C9orf78: variants seen among roughly 807,000 people sequenced by gnomAD.
The protein encoded by C9orf78 is chromosome 9 open reading frame 78, also known as splicing factor C9orf78.
In C9orf78, 19 loss-of-function variants were observed where a neutral mutation model predicts 37.4. That is an observed-to-expected ratio of 0.51 (90% confidence interval 0.35 to 0.74). The LOEUF (loss-of-function observed/expected upper bound fraction) is 0.74, where lower values mean the gene tolerates loss of function less well. Ranked by LOEUF, C9orf78 falls within the 30% of genes least tolerant of loss-of-function variation. C9orf78 has a pLI of 0.01. For missense variants in C9orf78, 291 were observed against 370.8 expected, an observed-to-expected ratio of 0.78 and a Z score of 1.77; for synonymous variants, 130 against 128.0, an observed-to-expected ratio of 1.02 and a Z score of -0.10.
chr9:129,833,792 C>CTAAGA, intron 2 of C9orf78, 83 bp from the exon 3 acceptor site: 1 of 857,208 alleles, frequency 1.2e-6, no homozygotes, highest in Non-Finnish European at 1.9e-6. Flanking sequence ...CTCAGGTATG[C>CTAAGA]GGATTGCAAC....
At chr9:129,829,171 C>T (rs1350327688) in intron 8 of C9orf78, 34 bp downstream of exon 8, 2 of 1,495,010 alleles carry the variant, frequency 1.3e-6, no homozygotes, top group Non-Finnish European at 1.9e-6. Flanking sequence ...TTGCTGAGCA[C>T]TCCAGGCAGC....
chr9:129,829,396 G>A lies in C9orf78; in HGVS notation c.679+9C>T. Reference sequence around the variant, plus strand: ...GAATGGGGGCAAGACTGCTCTCCGAGGGGCTTACATCTGTTGTGCTGCACA... The same window carrying A: ...GAATGGGGGCAAGACTGCTCTCCGAAGGGCTTACATCTGTTGTGCTGCACA... On this transcript the variant is annotated intron_variant, in intron 7 of 8. Coordinates refer to ENST00000372447, the MANE Select transcript of C9orf78 (RefSeq NM_016520.3). The A allele has an allele frequency of 6.2e-7, 1 of 1,612,450 alleles. No homozygotes were observed. The highest frequency in any genetic ancestry group is 8.5e-7 in the Non-Finnish European group (1 of 1,178,656).
At position 129,833,711 on chromosome 9, in the gene C9orf78, T is replaced by C; in HGVS notation, c.144-2A>G. The C allele has an allele frequency of 1.2e-6, 2 of 1,605,402 alleles. No homozygotes were observed. Among genetic ancestry groups the C allele is most frequent in the Non-Finnish European group, 1.7e-6 (2 of 1,175,350 alleles). ...TCTCCCACCAGCAAGGCCACAGCAC[T>C]GAGCAAAACCAAAAAAAAAAGAGAG... is the stretch of plus-strand genomic sequence containing the variant. On this transcript the variant is annotated splice_acceptor_variant, in intron 2 of 8. Coordinates refer to ENST00000372447, the MANE Select transcript of C9orf78 (RefSeq NM_016520.3). LOFTEE classifies it high-confidence loss of function.
chr9:129,830,496 T>C (rs13286552), intron 6 of C9orf78: 63,938 of 273,314 alleles, frequency 0.23, 7,794 homozygotes, highest in South Asian at 0.26. Context: ...TCAGCCACCA[T>C]ACCTGTCCCC....
At chr9:129,832,157 T>C (rs1388429435) in intron 4 of C9orf78, among the ~76,000 whole-genome samples, 184 bp from the exon 5 acceptor site, 1 of 152,198 alleles carries the variant, frequency 6.6e-6, no homozygotes, top group East Asian at 1.9e-4. Context: ...AAGCAAACTG[T>C]TGGCTGCTAG....
At chr9:129,834,676 C>T (rs1171203048) in intron 2 of C9orf78, 31 bp downstream of exon 2, 9 of 1,553,832 alleles carry the variant, frequency 5.8e-6, no homozygotes, top group Non-Finnish European at 8.0e-6. Context: ...TCGTCCCCGC[C>T]GCCTCCTCCT....
In C9orf78 at chr9:129,833,676, T is replaced by TTG; in HGVS notation, c.175_176dup (p.Gln59HisfsTer7). The TTG allele has an allele frequency of 1.2e-6, 2 of 1,612,110 alleles. No homozygotes were observed. Among genetic ancestry groups the TTG allele is most frequent in the Non-Finnish European group, 1.7e-6 (2 of 1,178,604 alleles). ...AACTTACCACTAGAGTGGTCTCCTC[T>TTG]TGTACCTTCTCTCCCACCAGCAAGG... On this transcript the variant is annotated frameshift_variant, in exon 3 of 9. Transcript: ENST00000372447. LOFTEE classifies it high-confidence loss of function.
At position 129,831,212 on chromosome 9, in the gene C9orf78, C is replaced by T. The variant is rs570496142; in HGVS notation, c.345-144G>A. 5.6e-4 allele frequency: 358 copies of T among 635,176 alleles called. 10 individuals are homozygous for T. In the South Asian group the frequency reaches 6.3e-3, roughly 11 times the overall value. The allele number at this position is 635,176 out of a possible 1,614,324, so 39.3% of individuals were successfully genotyped here. A position where few individuals can be genotyped will look rare whatever the true frequency, so the allele number is the denominator to read the frequency against. On this transcript the variant is annotated intron_variant, in intron 5 of 8. Coordinates refer to ENST00000372447, the MANE Select transcript of C9orf78 (RefSeq NM_016520.3). Reference sequence around the variant, plus strand: ...AAAAAAATAACTTGAGTTTTTTCATCAAGTTAGAAATTTTCTAAAGAAGCA... The same window carrying T: ...AAAAAAATAACTTGAGTTTTTTCATTAAGTTAGAAATTTTCTAAAGAAGCA...
At position 129,833,428 on chromosome 9, in the gene C9orf78, A is replaced by G. The variant is rs370788771; in HGVS notation, c.266+19T>C. On this transcript the variant is annotated intron_variant, in intron 4 of 8. Transcript: ENST00000372447. ...AGCCGCTAAAGGTGAATTTGCATCTAAGCTTGTCCTGAACTTACTTATCTT... is the reference window on the plus strand; with the variant it reads ...AGCCGCTAAAGGTGAATTTGCATCTGAGCTTGTCCTGAACTTACTTATCTT... 4.2e-5 allele frequency: 63 copies of G among 1,505,202 alleles called. 1 individual carries two copies. The African/African-American group carries it at 4.3e-4, about 10-fold the overall frequency. 93.2% of individuals were successfully genotyped at this position (1,505,202 alleles called of 1,614,324 possible).
intron 2 of C9orf78, 139 bp downstream of exon 2, chr9:129,834,568 T>C: frequency 1.5e-6 from 1 of 669,610 alleles, no homozygotes. Context: ...AAGAACGCTG[T>C]TCTCCAAGTT....
At chr9:129,829,075 A>G (rs2031418731) in intron 8 of C9orf78, 130 bp downstream of exon 8, 2 of 721,588 alleles carry the variant, frequency 2.8e-6, no homozygotes, top group Non-Finnish European at 5.1e-6. Context: ...CATGGTCCAG[A>G]GCATGGACTG....
Position 129,835,262 on chromosome 9 carries a change from C to G in C9orf78, c.-41G>C. 6.8e-7 allele frequency: 1 copy of G among 1,478,138 alleles called. No homozygotes were observed. The highest frequency in any genetic ancestry group is 9.3e-7 in the Non-Finnish European group (1 of 1,071,546). 91.6% of individuals were successfully genotyped at this position (1,478,138 alleles called of 1,614,324 possible). On this transcript the variant is annotated 5_prime_UTR_variant, in exon 1 of 9. Transcript: ENST00000372447. ...GTTGTACAGCCGCCGCGCCTCTGCGCAGCGGCCCAGGCTGCTTCCGGCGCG... is the reference window on the plus strand; with the variant it reads ...GTTGTACAGCCGCCGCGCCTCTGCGGAGCGGCCCAGGCTGCTTCCGGCGCG...
chr9:129,829,227 G>A lies in C9orf78; in HGVS notation c.756C>T (p.Asp252=), dbSNP rs2031425451. The A allele has an allele frequency of 6.2e-7, 1 of 1,613,440 alleles. No individual in the cohort carries two copies. The highest frequency in any genetic ancestry group is 1.3e-5 in the African/African-American group (1 of 74,888). ...EPKARPLRVG[D]TEKPEPERSP... is the part of the protein sequence containing the mutation. ...CACGCTCAGGCTCTGGCTTCTCCGT[G>A]TCACCTACTCTCAAGGGCCGGGCCT... Residue 252 remains aspartate (D), a synonymous_variant, in exon 8 of 9, where the codon GAC becomes GAT. Transcript: ENST00000372447.
chr9:129,833,815 G>A (rs2031590572), intron 2 of C9orf78, 106 bp from the exon 3 acceptor site: 8 of 748,828 alleles, frequency 1.1e-5, no homozygotes, highest in African/African-American at 1.7e-5. Flanking sequence ...TAGTGCAAGG[G>A]TGGGATTTGA....
At chr9:129,832,658 C>T (rs1243254140) in intron 4 of C9orf78, among the ~76,000 whole-genome samples, 3 of 152,160 alleles carry the variant, frequency 2.0e-5, no homozygotes, top group African/African-American at 4.8e-5. Context: ...AGGCTGGTCT[C>T]GAACTCCTGA....
In C9orf78 at chr9:129,834,690, C is replaced by A. The variant is rs368566789; in HGVS notation, c.143+17G>T. On this transcript the variant is annotated intron_variant, in intron 2 of 8. Coordinates refer to ENST00000372447, the MANE Select transcript of C9orf78 (RefSeq NM_016520.3). ...GTCGTCCCCGCCGCCTCCTCCTCCT[C>A]CCCGCGTGGTACCCACCTCACCCCG... The A allele has an allele frequency of 6.3e-7, 1 of 1,597,766 alleles. No homozygotes were observed. Among genetic ancestry groups the A allele is most frequent in the East Asian group, 2.2e-5 (1 of 44,726 alleles).
At position 129,828,215 on chromosome 9, in the gene C9orf78, C is replaced by T. The variant is rs1489668587; in HGVS notation, c.816G>A (p.Lys272=). The part of the protein sequence containing the change: ...PPNRKRPANE[K]ATDDYHYEKF... ...TCTCATAATGATAGTCATCAGTTGCCTTCTCGTTAGCAGGACGCTTGCGGT... is the reference window on the plus strand; with the variant it reads ...TCTCATAATGATAGTCATCAGTTGCTTTCTCGTTAGCAGGACGCTTGCGGT... The change falls in exon 9 of 9, where the codon AAG becomes AAA. Residue 272 remains lysine, a synonymous_variant. Transcript: ENST00000372447. 2.5e-6 allele frequency: 4 copies of T among 1,608,192 alleles called. No homozygotes were observed. Among genetic ancestry groups the T allele is most frequent in the African/African-American group, 2.7e-5 (2 of 74,738 alleles).
intron 2 of C9orf78, 76 bp downstream of exon 2, chr9:129,834,631 T>C: frequency 1.0e-6 from 1 of 995,866 alleles, no homozygotes; most frequent in Non-Finnish European, 1.6e-6. Flanking sequence ...TCTGAGGAGA[T>C]ATTTGTGACA....
At chr9:129,829,872 T>G in intron 6 of C9orf78, 1 of 204,492 alleles carries the variant, frequency 4.9e-6, no homozygotes, top group Non-Finnish European at 9.8e-6. Flanking sequence ...ATTGTACCTC[T>G]TCCATAACAA....
Sources: gnomAD v4.1 joint callset for allele counts (sites outside exome capture counted in the v4.1 genomes callset) on GRCh38, gnomAD v4.1.1 for gene constraint, MANE v1.5 for transcripts, NCBI Gene and HGNC (gene_info 2026-07-23, HGNC 2026-07-21) for gene names.